Variants in LRP1B observed in about 807,000 individuals in gnomAD.
The protein encoded by LRP1B is LDL receptor related protein 1B.
In LRP1B, 217 loss-of-function variants were observed where a neutral mutation model predicts 556.6. That is an observed-to-expected ratio of 0.39 (90% CI 0.35 to 0.44). LRP1B has a LOEUF of 0.44. Ranked by LOEUF, LRP1B falls within the 20% of genes least tolerant of loss-of-function variation. LRP1B has a pLI of 1.00. For missense variants in LRP1B, 5,053 were observed against 5,620.8 expected (o/e 0.90, Z 3.23); for synonymous variants, 2,047 against 1,865.8 (o/e 1.10, Z -2.50).
At chr2:142,015,551 A>G (rs1354617476) in intron 1 of LRP1B, among the ~76,000 whole-genome samples, 7 of 152,224 alleles carry the variant, frequency 4.6e-5, no homozygotes, top group African/African-American at 7.2e-5. Flanking sequence ...GAGCTTCTGC[A>G]CAACAAAAGA....
chr2:141,149,184 G>A (rs1455503831), intron 7 of LRP1B, among the ~76,000 whole-genome samples: 1 of 151,972 alleles, frequency 6.6e-6, no homozygotes, highest in Non-Finnish European at 1.5e-5. Context: ...AGAATAAAAA[G>A]GGTTTTTTTT....
At chr2:141,567,938 CG>C (rs772014215) in intron 2 of LRP1B, among the ~76,000 whole-genome samples, 27 of 149,884 alleles carry the variant, frequency 1.8e-4, no homozygotes, top group Non-Finnish European at 3.9e-4. Context: ...GGGGAGCAAA[CG>C]GTGATTGTCC....
intron 49 of LRP1B, among the ~76,000 whole-genome samples, chr2:140,525,616 A>G (rs946828168): frequency 1.3e-5 from 2 of 151,994 alleles, no homozygotes; most frequent in Non-Finnish European, 1.5e-5. Flanking sequence ...ACTAAACATA[A>G]AAAATTGATC....
intron 47 of LRP1B, among the ~76,000 whole-genome samples, chr2:140,529,561 T>G (rs79503210): frequency 6.6e-6 from 1 of 151,984 alleles, no homozygotes; most frequent in African/African-American, 2.4e-5. Flanking sequence ...GAATGCCGAT[T>G]TCTTCTCCAG....
intron 7 of LRP1B, among the ~76,000 whole-genome samples, chr2:141,072,420 T>C (rs193115897): frequency 1.3e-4 from 20 of 152,162 alleles, no homozygotes; most frequent in African/African-American, 4.8e-4. Flanking sequence ...AATCCAAAAC[T>C]TTATTCTTTG....
intron 1 of LRP1B, among the ~76,000 whole-genome samples, chr2:141,957,830 G>A (rs1215431725): frequency 6.6e-6 from 1 of 152,204 alleles, no homozygotes; most frequent in Middle Eastern, 3.4e-3. Flanking sequence ...TGCCAGCACA[G>A]ATCATCTTTC....
intron 3 of LRP1B, among the ~76,000 whole-genome samples, chr2:141,472,882 C>T (rs1405353276): frequency 1.3e-5 from 2 of 152,024 alleles, no homozygotes; most frequent in Admixed American, 6.6e-5. Flanking sequence ...AGGAAGAGAA[C>T]ATGTTTTTAA....
At chr2:140,249,717 A>G (rs1192876971) in intron 86 of LRP1B, among the ~76,000 whole-genome samples, 1 of 151,824 alleles carries the variant, frequency 6.6e-6, no homozygotes, top group African/African-American at 2.4e-5. Flanking sequence ...TTGAGTTATT[A>G]AATAGAAATC....
intron 18 of LRP1B, among the ~76,000 whole-genome samples, chr2:140,962,202 T>G (rs1249271766): frequency 6.6e-6 from 1 of 152,138 alleles, no homozygotes; most frequent in Admixed American, 6.6e-5. Flanking sequence ...AATTATTCAC[T>G]TAAAAGAATG....
chr2:141,819,966 G>T (rs1466509710), intron 1 of LRP1B, among the ~76,000 whole-genome samples: 2 of 152,012 alleles, frequency 1.3e-5, no homozygotes, highest in Non-Finnish European at 2.9e-5. Flanking sequence ...GGGGCTAAAA[G>T]AAAAACCAAA....
At chr2:140,379,694 C>T (rs1284038900) in intron 67 of LRP1B, among the ~76,000 whole-genome samples, 3 of 151,648 alleles carry the variant, frequency 2.0e-5, no homozygotes, top group African/African-American at 4.8e-5. Flanking sequence ...GACTGTGCTT[C>T]GGAAAAGAAA....
At chr2:141,248,778 A>G (rs1362381985) in intron 4 of LRP1B, among the ~76,000 whole-genome samples, 2 of 152,180 alleles carry the variant, frequency 1.3e-5, no homozygotes, top group Non-Finnish European at 2.9e-5. Flanking sequence ...AAAAACACTC[A>G]TATGAAATAA....
At chr2:141,096,646 G>GAGAGAGAA in intron 7 of LRP1B, among the ~76,000 whole-genome samples, 1 of 101,486 alleles carries the variant, frequency 9.9e-6, no homozygotes, top group Non-Finnish European at 2.1e-5. Flanking sequence ...GAGAGAGAGA[G>GAGAGAGAA]AGAGAGAGAG....
chr2:141,641,279 A>C (rs1388292619), intron 2 of LRP1B, among the ~76,000 whole-genome samples: 3 of 152,134 alleles, frequency 2.0e-5, no homozygotes, highest in African/African-American at 7.2e-5. Flanking sequence ...GATCTAACCT[A>C]TCTCATTTTT....
chr2:141,836,855 C>T (rs1393507143), intron 1 of LRP1B, among the ~76,000 whole-genome samples: 3 of 151,784 alleles, frequency 2.0e-5, no homozygotes, highest in Non-Finnish European at 4.4e-5. Context: ...TAAAAATTAG[C>T]AATGCAGATT....
chr2:141,421,593 G>A (rs1235145935), intron 3 of LRP1B, among the ~76,000 whole-genome samples: 1 of 151,608 alleles, frequency 6.6e-6, no homozygotes, highest in Non-Finnish European at 1.5e-5. Flanking sequence ...CAATTAAATA[G>A]GTCTTTTGAA....
intron 2 of LRP1B, among the ~76,000 whole-genome samples, chr2:141,793,616 C>T (rs182554905): frequency 1.1e-3 from 164 of 151,834 alleles, no homozygotes; most frequent in Non-Finnish European, 2.0e-3. Context: ...TTCATTAGAG[C>T]GAATAGCATA....
intron 2 of LRP1B, among the ~76,000 whole-genome samples, chr2:141,743,838 T>C (rs1693811005): frequency 6.6e-6 from 1 of 152,116 alleles, no homozygotes; most frequent in Admixed American, 6.5e-5. Flanking sequence ...TTCTGTGGTG[T>C]CAGTTGTAAT....
At chr2:141,029,409 C>A (rs1049792422) in intron 11 of LRP1B, among the ~76,000 whole-genome samples, 1 of 152,004 alleles carries the variant, frequency 6.6e-6, no homozygotes, top group Non-Finnish European at 1.5e-5. Context: ...GCTGAGTTTG[C>A]CAGATTGTAA....
Sources: gnomAD v4.1 joint callset for allele counts (sites outside exome capture counted in the v4.1 genomes callset) on GRCh38, gnomAD v4.1.1 for gene constraint, MANE v1.5 for transcripts, NCBI Gene and HGNC (gene_info 2026-07-23, HGNC 2026-07-21) for gene names.